METTL15: variants seen among roughly 807,000 people sequenced by gnomAD.
The protein encoded by METTL15 is methyltransferase 15, mitochondrial 12S rRNA N4-cytidine, also known as 12S rRNA N(4)-cytidine methyltransferase METTL15.
Under a neutral mutation model 38.3 loss-of-function variants are expected in METTL15, and 34 were observed. That is an observed-to-expected ratio of 0.89 (90% CI 0.68 to 1.18). The LOEUF (loss-of-function observed/expected upper bound fraction) is 1.18. Ranked by LOEUF, METTL15 falls within the 50% of genes most tolerant of loss-of-function variation. METTL15 has a pLI of 0.00. For missense variants in METTL15, 438 were observed against 498.4 expected (o/e 0.88, Z 1.15); for synonymous variants, 162 against 170.9 (o/e 0.95, Z 0.41).
At chr11:28,128,511 A>T (rs1852598326) in intron 3 of METTL15, among the ~76,000 whole-genome samples, 1 of 152,114 alleles carries the variant, frequency 6.6e-6, no homozygotes, top group African/African-American at 2.4e-5. Flanking sequence ...TAAAAATTGG[A>T]CATGTTGTAG....
chr11:28,509,339 A>G (rs2133499148), intron 6 of METTL15, among the ~76,000 whole-genome samples: 1 of 152,306 alleles, frequency 6.6e-6, no homozygotes, highest in Middle Eastern at 3.4e-3. Context: ...TGATCTCAGG[A>G]AGCCAGCATA....
intron 3 of METTL15, among the ~76,000 whole-genome samples, chr11:28,153,039 G>A (rs564040402): frequency 1.3e-5 from 2 of 152,124 alleles, no homozygotes; most frequent in South Asian, 4.1e-4. Flanking sequence ...ATTATAATTA[G>A]CATATAATGT....
chr11:28,398,379 AT>A (rs1850595859), intron 5 of METTL15, among the ~76,000 whole-genome samples: 1 of 151,978 alleles, frequency 6.6e-6, no homozygotes, highest in Non-Finnish European at 1.5e-5. Flanking sequence ...TCTAGCTGGC[AT>A]GAGATGATAT....
chr11:28,148,850 A>C (rs1849979520), intron 3 of METTL15, among the ~76,000 whole-genome samples: 1 of 151,896 alleles, frequency 6.6e-6, no homozygotes, highest in African/African-American at 2.4e-5. Context: ...TCTTCCTATC[A>C]CTGTGCTAAC....
intron 6 of METTL15, among the ~76,000 whole-genome samples, chr11:28,463,646 T>C (rs942335120): frequency 6.6e-6 from 1 of 152,094 alleles, no homozygotes; most frequent in Non-Finnish European, 1.5e-5. Flanking sequence ...ATGAGGCCAC[T>C]GTATTTATCA....
At chr11:28,160,727 TAAC>T (rs1446921594) in intron 3 of METTL15, among the ~76,000 whole-genome samples, 2 of 152,146 alleles carry the variant, frequency 1.3e-5, no homozygotes, top group African/African-American at 4.8e-5. Context: ...TTGAAAATCT[TAAC>T]AATAATGGTA....
intron 6 of METTL15, among the ~76,000 whole-genome samples, chr11:28,489,337 C>G (rs549992733): frequency 6.6e-6 from 1 of 152,108 alleles, no homozygotes; most frequent in Non-Finnish European, 1.5e-5. Flanking sequence ...CAAAAGCTTC[C>G]TTGGTACTTC....
chr11:28,415,096 A>G (rs911535133), intron 5 of METTL15, among the ~76,000 whole-genome samples: 1 of 152,222 alleles, frequency 6.6e-6, no homozygotes, highest in Non-Finnish European at 1.5e-5. Flanking sequence ...AGTGGATGAA[A>G]TATATGATTA....
chr11:28,238,706 G>T (rs748804154), intron 4 of METTL15, among the ~76,000 whole-genome samples: 1 of 152,188 alleles, frequency 6.6e-6, no homozygotes, highest in African/African-American at 2.4e-5. Flanking sequence ...CGTCGCTCAC[G>T]CTGGGAGCTA....
At position 28,459,013 on chromosome 11, in the gene METTL15, A is replaced by G. The variant is rs369048073; in HGVS notation, c.*424+34649A>G. Among the ~76,000 whole-genome samples the G allele has an allele frequency of 7.3e-4, 111 of 152,146 alleles. 1 individual carries two copies. The South Asian group carries it at 0.022, about 31-fold the overall frequency. ...GATCCAGCACCATTGAAATGCTCCT[A>G]TCTTCATTCTCAGTCTGTCATTTTC... is the stretch of plus-strand genomic sequence containing the variant. On this transcript the variant is annotated intron_variant and NMD_transcript_variant, in intron 6 of 7. Coordinates refer to the METTL15 transcript ENST00000532947.
chr11:28,209,464 A>C (rs1220657506), intron 3 of METTL15, among the ~76,000 whole-genome samples: 1 of 152,048 alleles, frequency 6.6e-6, no homozygotes, highest in African/African-American at 2.4e-5. Context: ...TGTTTCTATA[A>C]ATAAAAAGAT....
At chr11:28,392,928 T>G (rs991348550) in intron 5 of METTL15, among the ~76,000 whole-genome samples, 7 of 151,738 alleles carry the variant, frequency 4.6e-5, no homozygotes, top group Admixed American at 4.6e-4. Flanking sequence ...ATCATTAGGG[T>G]GATACAAATC....
chr11:28,247,915 T>G (rs1034010112), intron 4 of METTL15, among the ~76,000 whole-genome samples: 2 of 152,152 alleles, frequency 1.3e-5, no homozygotes, highest in Admixed American at 6.6e-5. Context: ...AATTGCTGGT[T>G]AAAATAATCA....
chr11:28,375,792 T>A (rs897183993), intron 5 of METTL15, among the ~76,000 whole-genome samples: 6 of 152,066 alleles, frequency 3.9e-5, no homozygotes, highest in African/African-American at 1.4e-4. Flanking sequence ...CTGCTTTCTC[T>A]TGTGGGTATT....
intron 3 of METTL15, chr11:28,164,208 C>T (rs777227037): frequency 3.3e-5 from 5 of 151,940 alleles, no homozygotes; most frequent in Non-Finnish European, 5.9e-5. Flanking sequence ...ACACACGTAA[C>T]GGCTTATTTG....
intron 3 of METTL15, among the ~76,000 whole-genome samples, chr11:28,162,659 C>T (rs1195000138): frequency 2.0e-5 from 3 of 152,064 alleles, no homozygotes; most frequent in Non-Finnish European, 2.9e-5. Context: ...TTAACCTAGC[C>T]TACCTTATAC....
intron 2 of METTL15, among the ~76,000 whole-genome samples, chr11:28,112,997 A>G (rs1851779620): frequency 6.6e-6 from 1 of 152,188 alleles, no homozygotes; most frequent in Non-Finnish European, 1.5e-5. Flanking sequence ...AAAATTCAAA[A>G]AAGTATGTTT....
intron 5 of METTL15, among the ~76,000 whole-genome samples, chr11:28,386,361 C>T (rs528452781): frequency 5.9e-5 from 9 of 151,856 alleles, no homozygotes; most frequent in African/African-American, 1.9e-4. Context: ...TCACTATAAA[C>T]ATCAGCAAAA....
intron 5 of METTL15, chr11:28,410,535 A>G (rs1434806981): frequency 6.6e-6 from 1 of 152,134 alleles, no homozygotes; most frequent in African/African-American, 2.4e-5. Context: ...GATCATCTCA[A>G]TTGACTCAAA....
Sources: allele counts gnomAD v4.1 joint callset (sites outside exome capture counted in the v4.1 genomes callset), GRCh38; gene constraint gnomAD v4.1.1; transcripts MANE v1.5; gene names NCBI Gene and HGNC (gene_info 2026-07-23, HGNC 2026-07-21).